Variants in TNFRSF4 observed in about 807,000 individuals in gnomAD.
TNFRSF4 encodes the protein tumor necrosis factor receptor superfamily member 4.
A neutral mutation model predicts 29.5 loss-of-function variants in TNFRSF4; 21 were observed. That is an observed-to-expected ratio of 0.71 (90% CI 0.51 to 1.03). TNFRSF4 has a LOEUF of 1.03. Ranked by LOEUF, TNFRSF4 falls within the 50% of genes least tolerant of loss-of-function variation. The pLI, the probability that TNFRSF4 is intolerant of heterozygous loss-of-function variation, is 0.00. For synonymous variants in TNFRSF4, 197 were observed against 172.7 expected, an observed-to-expected ratio of 1.14 and a Z score of -1.10; for missense variants, 408 against 387.8, an observed-to-expected ratio of 1.05 and a Z score of -0.44.
chr1:1,213,325 C>A (rs1319669615), intron 2 of TNFRSF4: 1 of 1,524,768 alleles, frequency 6.6e-7, no homozygotes, highest in South Asian at 1.2e-5. Flanking sequence ...CCCTTCCCTA[C>A]CCCTCCACCG....
chr1:1,211,983 G>T lies in TNFRSF4; in HGVS notation c.593C>A (p.Thr198Asn), dbSNP rs1649149994. The T allele has an allele frequency of 6.2e-7, 1 of 1,603,556 alleles. No individual in the cohort carries two copies. The highest frequency in any genetic ancestry group is 1.7e-5 in the Admixed American group (1 of 58,486). Residue 198 changes from threonine (T) to asparagine (N), a missense_variant, in exon 5 of 7, where the codon ACC becomes AAC. Thr to Asn is a moderately conservative substitution (Grantham distance 65). Coordinates refer to ENST00000379236, the MANE Select transcript of TNFRSF4 (RefSeq NM_003327.4). ...TVQPTEAWPR[T>N]SQGPSTRPVE... ...GGGCCGGGTGGAGGGTCCCTGTGAG[G>T]TTCTGGGCCAGGCTTCAGTGGGCTG... is the stretch of plus-strand genomic sequence containing the variant.
At chr1:1,213,840 A>AC (rs1486177869) in intron 1 of TNFRSF4, 55 bp from the exon 2 acceptor site, 24 of 1,527,650 alleles carry the variant, frequency 1.6e-5, no homozygotes, top group East Asian at 7.2e-5. Flanking sequence ...GCGCCCGTGG[A>AC]CCCCCCCAGG....
chr1:1,213,690 A>G lies in TNFRSF4; in HGVS notation c.241T>C (p.Cys81Arg). The part of the protein sequence containing the change: ...FYNDVVSSKP[C>R]KPCTWCNLRS... ...AGGTTACACCACGTGCAGGGCTTGCACGGCTTGGAGCTGACCACGTCGTTG... is the reference window on the plus strand; with the variant it reads ...AGGTTACACCACGTGCAGGGCTTGCGCGGCTTGGAGCTGACCACGTCGTTG... Residue 81 changes from cysteine (C) to arginine (R), a missense_variant, in exon 2 of 7, where the codon TGC (cysteine) becomes CGC (arginine). By Grantham distance (180) the Cys-to-Arg change is radical. Transcript: ENST00000379236. 1 of 1,596,042 alleles carries G rather than the reference A, an allele frequency of 6.3e-7. No individual in the cohort carries two copies. The highest frequency in any genetic ancestry group is 8.5e-7 in the Non-Finnish European group (1 of 1,172,358).
intron 4 of TNFRSF4, 28 bp downstream of exon 4, chr1:1,212,610 C>G: frequency 1.4e-6 from 2 of 1,479,218 alleles, no homozygotes; most frequent in Non-Finnish European, 1.8e-6. Flanking sequence ...CCCCCCAGCC[C>G]CTCCCAGCCC....
rs535445533 is a variant in TNFRSF4, at chr1:1,211,866, G to A, written c.635-34C>T. The A allele has an allele frequency of 1.6e-3, 2,388 of 1,515,740 alleles. 3 individuals are homozygous for A. The highest frequency in any genetic ancestry group is 2.0e-3 in the Non-Finnish European group (2,237 of 1,136,044). The allele number at this position is 1,515,740 out of a possible 1,614,324, so 93.9% of individuals were successfully genotyped here. On this transcript the variant is annotated intron_variant, in intron 5 of 6. Coordinates refer to ENST00000379236, the MANE Select transcript of TNFRSF4 (RefSeq NM_003327.4). ...AGGGGTCTGCTGGGTGGGGTCCACA[G>A]GAGGGGCCCCCATGCCGCCCTCCCC...
rs775900244 is a variant in TNFRSF4 at position 1,214,048 on chromosome 1, G to A, written c.80C>T (p.Thr27Met). Residue 27 changes from threonine (T) to methionine (M), a missense_variant, in exon 1 of 7, where the codon ACG becomes ATG. Transcript: ENST00000379236. This position sits in a 1 kb window ranked among gnomAD's most constrained non-coding sequence, Gnocchi z 4.2. ...LLLGLGLSTVTGLHCVGDTYP... is the reference protein window; with the variant it reads ...LLLGLGLSTVMGLHCVGDTYP... ...GGTGTCCCCGACACAGTGGAGCCCC[G>A]TCACGGTGCTCAGCCCCAGGCCCAG... is the stretch of plus-strand genomic sequence containing the variant. The A allele has an allele frequency of 1.6e-5, 26 of 1,601,720 alleles. No individual in the cohort carries two copies. Among genetic ancestry groups the A allele is most frequent in the Middle Eastern group, 2.2e-4 (1 of 4,460 alleles).
chr1:1,213,433 G>T (rs999290920), intron 2 of TNFRSF4: 2 of 1,530,316 alleles, frequency 1.3e-6, no homozygotes, highest in Non-Finnish European at 1.8e-6. Flanking sequence ...GGCCAGCGTG[G>T]TCTCCCCGAC....
At chr1:1,212,942 G>A in intron 3 of TNFRSF4, 50 bp downstream of exon 3, 1 of 1,532,930 alleles carries the variant, frequency 6.5e-7, no homozygotes, top group Non-Finnish European at 8.8e-7. Context: ...CTGCGTCACA[G>A]ACAGCCGCTA....
In TNFRSF4 at chr1:1,213,872, C is replaced by T; in HGVS notation, c.146-87G>A. ...CAGGCGGCTCCTCTGCCAGGCTTGG[C>T]CGGCCCCTCACCCGCCCCCTCCCCA... is the stretch of plus-strand genomic sequence containing the variant. On this transcript the variant is annotated intron_variant, in intron 1 of 6. Coordinates refer to ENST00000379236, the MANE Select transcript of TNFRSF4 (RefSeq NM_003327.4). 3 of 1,463,100 alleles carry T rather than the reference C, an allele frequency of 2.1e-6. No individual in the cohort carries two copies. In the South Asian group the frequency reaches 4.0e-5, roughly 20 times the overall value. The allele number at this position is 1,463,100 out of a possible 1,614,324, so 90.6% of individuals were successfully genotyped here.
intron 3 of TNFRSF4, 27 bp downstream of exon 3, chr1:1,212,965 A>G (rs1649241268): frequency 6.3e-7 from 1 of 1,590,146 alleles, no homozygotes; most frequent in Non-Finnish European, 8.6e-7. Context: ...CACACCCCCA[A>G]CCGCCGGCCG....
At chr1:1,212,817 C>T (rs906819513) in intron 3 of TNFRSF4, 113 bp from the exon 4 acceptor site, 17 of 1,225,280 alleles carry the variant, frequency 1.4e-5, no homozygotes, top group Non-Finnish European at 2.2e-6. Context: ...GTGGGTTTGG[C>T]CTCTGGAAGC....
At chr1:1,213,171 C>G in intron 2 of TNFRSF4, 78 bp from the exon 3 acceptor site, 1 of 1,541,662 alleles carries the variant, frequency 6.5e-7, no homozygotes, top group Non-Finnish European at 8.7e-7. Flanking sequence ...CACTGGAGGA[C>G]AGGTTGGCCT....
rs751474404 is a variant in TNFRSF4 at position 1,211,343 on chromosome 1, C to G, written c.*212G>C. 1 of 469,144 alleles carries G rather than the reference C, an allele frequency of 2.1e-6. No individual in the cohort carries two copies. Among genetic ancestry groups the G allele is most frequent in the Non-Finnish European group, 3.7e-6 (1 of 272,852 alleles). 29.1% of individuals were successfully genotyped at this position (469,144 alleles called of 1,614,324 possible). On this transcript the variant is annotated 3_prime_UTR_variant, in exon 7 of 7. Coordinates refer to ENST00000379236, the MANE Select transcript of TNFRSF4 (RefSeq NM_003327.4). ...GCCCACAGTGCCGGTCGGAGACTCC[C>G]GTCTGCCAAGGTTTTTATTGTGGTC...
rs752238314 is a variant in TNFRSF4, at chr1:1,211,931, G to A, written c.634+11C>T. On this transcript the variant is annotated intron_variant, in intron 5 of 6. Coordinates refer to ENST00000379236, the MANE Select transcript of TNFRSF4 (RefSeq NM_003327.4). ...TTGGGGGCCCCGCTGGGCTGGGCCAGGCGCCCTTACCCCCGGGGACCTCCA... is the reference window on the plus strand; with the variant it reads ...TTGGGGGCCCCGCTGGGCTGGGCCAAGCGCCCTTACCCCCGGGGACCTCCA... 3 of 1,538,670 alleles carry A rather than the reference G, an allele frequency of 1.9e-6. No individual in the cohort carries two copies. The highest frequency in any genetic ancestry group is 4.2e-5 in the Admixed American group (2 of 47,538).
intron 2 of TNFRSF4, chr1:1,213,410 G>A (rs1444229957): frequency 6.5e-7 from 1 of 1,532,946 alleles, no homozygotes; most frequent in Non-Finnish European, 8.7e-7. Context: ...AGGCCAGCAA[G>A]GCCAGGCCAC....
In TNFRSF4 at chr1:1,211,626, C is replaced by A. The variant is rs773552376; in HGVS notation, c.764-1G>T. Reference sequence around the variant, plus strand: ...ATGGGGGTCCGGAAACTGCCTCCCCCTGGGGAGGAAAAAAGGAGAGATTGG... The same window carrying A: ...ATGGGGGTCCGGAAACTGCCTCCCCATGGGGAGGAAAAAAGGAGAGATTGG... On this transcript the variant is annotated splice_acceptor_variant, in intron 6 of 6. Coordinates refer to ENST00000379236, the MANE Select transcript of TNFRSF4 (RefSeq NM_003327.4). LOFTEE classifies it high-confidence loss of function. 1 of 1,555,190 alleles carries A rather than the reference C, an allele frequency of 6.4e-7. No individual in the cohort carries two copies. The highest frequency in any genetic ancestry group is 2.3e-5 in the East Asian group (1 of 42,726).
chr1:1,214,068 G>A lies in TNFRSF4; in HGVS notation c.60C>T (p.Gly20=), dbSNP rs766363558. Reference sequence around the variant, plus strand: ...GCCCCGTCACGGTGCTCAGCCCCAGGCCCAGGAGGAGCAGAGCCGCACACG... The same window carrying A: ...GCCCCGTCACGGTGCTCAGCCCCAGACCCAGGAGGAGCAGAGCCGCACACG... The part of the protein sequence containing the change: ...RGPCAALLLL[G]LGLSTVTGLH... The change falls in exon 1 of 7, where the codon GGC becomes GGT. Residue 20 remains glycine, a synonymous_variant. Coordinates refer to ENST00000379236, the MANE Select transcript of TNFRSF4 (RefSeq NM_003327.4). The surrounding 1 kb of genome is among the most constrained non-coding windows in gnomAD (Gnocchi z 4.2). 6.3e-7 allele frequency: 1 copy of A among 1,595,848 alleles called. No individual in the cohort carries two copies. Among genetic ancestry groups the A allele is most frequent in the Admixed American group, 1.7e-5 (1 of 58,300 alleles).
chr1:1,212,603 C>CT (rs919968398), intron 4 of TNFRSF4, 35 bp downstream of exon 4: 11 of 1,217,368 alleles, frequency 9.0e-6, no homozygotes, highest in Non-Finnish European at 1.1e-5. Context: ...CCAACCCCCC[C>CT]CCAGCCCCTC....
chr1:1,213,768 G>T lies in TNFRSF4; in HGVS notation c.163C>A (p.Arg55Ser). 6.2e-7 allele frequency: 1 copy of T among 1,601,360 alleles called. No individual in the cohort carries two copies. Among genetic ancestry groups the T allele is most frequent in the South Asian group, 1.1e-5 (1 of 88,958 alleles). Residue 55 changes from arginine (R) to serine (S), a missense_variant, in exon 2 of 7, where the codon CGC becomes AGC. By Grantham distance (110) the Arg-to-Ser change is moderately radical. Transcript: ENST00000379236. Reference sequence around the variant, plus strand: ...ACCGTGTTCTGGGAGCGGCTGCAGCGGCTCACCATCCCGTTGCCTGCAGCA... The same window carrying T: ...ACCGTGTTCTGGGAGCGGCTGCAGCTGCTCACCATCCCGTTGCCTGCAGCA... ...ECRPGNGMVS[R>S]CSRSQNTVCR...
Sources: allele counts gnomAD v4.1 joint callset, GRCh38; gene constraint gnomAD v4.1.1; non-coding constraint Gnocchi (gnomAD v3.1); transcripts MANE v1.5; gene names NCBI Gene and HGNC (gene_info 2026-07-23, HGNC 2026-07-21).